The following KCNN2 variants were observed in gnomAD, a reference collection of about 807,000 sequenced individuals.
KCNN2 encodes the protein potassium calcium-activated channel subfamily N member 2.
Under a neutral mutation model 55.5 loss-of-function variants are expected in KCNN2, and 24 were observed. The ratio of observed to expected loss-of-function variants is 0.43; its 90% CI spans 0.31 to 0.61. KCNN2 has a LOEUF of 0.61. KCNN2 is among the 20% of genes least tolerant of loss of function. The pLI, the probability that KCNN2 is intolerant of heterozygous loss-of-function variation, is 0.08. For synonymous variants in KCNN2, 431 were observed against 336.1 expected, an observed-to-expected ratio of 1.28 and a Z score of -3.09; for missense variants, 754 against 853.6, an observed-to-expected ratio of 0.88 and a Z score of 1.45.
At chr5:114,403,135 T>C (rs1758835464) in intron 2 of KCNN2, among the ~76,000 whole-genome samples, 1 of 152,200 alleles carries the variant, frequency 6.6e-6, no homozygotes, top group Admixed American at 6.5e-5. Context: ...TGAGTTTGTA[T>C]TGTTGTCCAA....
intron 1 of KCNN2, among the ~76,000 whole-genome samples, chr5:114,198,022 G>A (rs1753593900): frequency 6.6e-6 from 1 of 152,060 alleles, no homozygotes; most frequent in Non-Finnish European, 1.5e-5. Flanking sequence ...GGGAGAGGCT[G>A]TGCCGAGCTC....
At chr5:114,218,576 G>C (rs1202355747) in intron 1 of KCNN2, among the ~76,000 whole-genome samples, 2 of 152,196 alleles carry the variant, frequency 1.3e-5, no homozygotes. Context: ...GTGATTTTCA[G>C]GGTTGGCACA....
At chr5:114,428,618 G>A (rs1759697204) in intron 3 of KCNN2, among the ~76,000 whole-genome samples, 1 of 151,984 alleles carries the variant, frequency 6.6e-6, no homozygotes, top group Admixed American at 6.6e-5. Context: ...ATGTAAAAAT[G>A]TATTTCTGTT....
intron 6 of KCNN2, among the ~76,000 whole-genome samples, chr5:114,491,788 T>C (rs549413374): frequency 1.6e-4 from 25 of 152,262 alleles, no homozygotes; most frequent in Admixed American, 3.9e-4. Flanking sequence ...TGGAATCCAC[T>C]GTTGTACACT....
rs571768727 is a variant in KCNN2, at chr5:114,256,192, G to A, written c.-185+34627G>A. Among the ~76,000 whole-genome samples the A allele has an allele frequency of 2.6e-5, 4 of 152,138 alleles. No individual in the cohort carries two copies. In the South Asian group the frequency reaches 8.3e-4, roughly 32 times the overall value. On this transcript the variant is annotated intron_variant, in intron 2 of 10. Coordinates refer to the KCNN2 transcript ENST00000512097. Reference sequence around the variant, plus strand: ...AAGATGTGACTTCGTTATTTTTCATGGCTGAGTAGGATTCCATGGTATGGG... The same window carrying A: ...AAGATGTGACTTCGTTATTTTTCATAGCTGAGTAGGATTCCATGGTATGGG...
chr5:114,164,581 A>G (rs965341180), intron 1 of KCNN2, among the ~76,000 whole-genome samples: 9 of 152,192 alleles, frequency 5.9e-5, no homozygotes, highest in Admixed American at 5.9e-4. Context: ...TTATCCAACA[A>G]TAATATAATT....
chr5:114,080,723 A>C (rs189328986), intron 1 of KCNN2, among the ~76,000 whole-genome samples: 2 of 152,312 alleles, frequency 1.3e-5, no homozygotes, highest in Admixed American at 1.3e-4. Flanking sequence ...AATAGTGAAC[A>C]TGATACTCAA....
intron 1 of KCNN2, among the ~76,000 whole-genome samples, chr5:114,211,234 T>C (rs893395328): frequency 6.6e-6 from 1 of 152,068 alleles, no homozygotes; most frequent in Non-Finnish European, 1.5e-5. Flanking sequence ...GAATATAAAT[T>C]GTTCTGTCAT....
At chr5:114,060,483 A>C (rs1312806156) in intron 1 of KCNN2, among the ~76,000 whole-genome samples, 1 of 152,186 alleles carries the variant, frequency 6.6e-6, no homozygotes, top group African/African-American at 2.4e-5. Flanking sequence ...GAGTGAGGGA[A>C]AATGAAGAAT....
At chr5:114,415,697 A>G (rs964116083) in intron 3 of KCNN2, among the ~76,000 whole-genome samples, 1 of 152,246 alleles carries the variant, frequency 6.6e-6, no homozygotes, top group African/African-American at 2.4e-5. Flanking sequence ...TTCTTTGGCA[A>G]AATGGCAATT....
At chr5:114,126,967 TCTC>T (rs1237352254) in intron 1 of KCNN2, among the ~76,000 whole-genome samples, 1 of 152,150 alleles carries the variant, frequency 6.6e-6, no homozygotes, top group East Asian at 1.9e-4. Context: ...TCCAAAATGA[TCTC>T]CTTTGACTCC....
At chr5:114,236,339 G>C (rs1754491991) in intron 2 of KCNN2, among the ~76,000 whole-genome samples, 1 of 151,842 alleles carries the variant, frequency 6.6e-6, no homozygotes, top group Non-Finnish European at 1.5e-5. Flanking sequence ...TTCATTTTTT[G>C]TCCTAAAATT....
At chr5:114,294,299 G>A (rs148122146) in intron 2 of KCNN2, among the ~76,000 whole-genome samples, 10,487 of 151,498 alleles carry the variant, frequency 0.069, 1,193 homozygotes, top group African/African-American at 0.24. Context: ...TGTCAATTTT[G>A]GATCTTTCCT....
intron 3 of KCNN2, among the ~76,000 whole-genome samples, chr5:114,460,829 A>T (rs999945467): frequency 1.3e-5 from 2 of 152,226 alleles, no homozygotes; most frequent in Admixed American, 1.3e-4. Flanking sequence ...ATGGAACCAG[A>T]GCCATTAGCT....
chr5:114,263,921 C>G (rs989512298), intron 2 of KCNN2, among the ~76,000 whole-genome samples: 14 of 152,154 alleles, frequency 9.2e-5, no homozygotes, highest in African/African-American at 3.1e-4. Context: ...TTAAGACACC[C>G]TTATTCATCC....
At chr5:114,180,695 G>A (rs1753221072) in intron 1 of KCNN2, among the ~76,000 whole-genome samples, 1 of 152,034 alleles carries the variant, frequency 6.6e-6, no homozygotes, top group African/African-American at 2.4e-5. Flanking sequence ...GCAACTGAGG[G>A]TTTGTGACAA....
intron 1 of KCNN2, among the ~76,000 whole-genome samples, chr5:114,197,667 C>A (rs1411935495): frequency 2.6e-5 from 4 of 152,152 alleles, no homozygotes; most frequent in Admixed American, 2.6e-4. Context: ...GTGGCTGCAA[C>A]ATGAGGCTGG....
intron 1 of KCNN2, among the ~76,000 whole-genome samples, chr5:114,176,326 T>A (rs913938938): frequency 6.6e-6 from 1 of 152,122 alleles, no homozygotes; most frequent in African/African-American, 2.4e-5. Flanking sequence ...AATCATAAGT[T>A]TTTTTTTGGT....
At chr5:114,252,972 C>T (rs1280294027) in intron 2 of KCNN2, among the ~76,000 whole-genome samples, 2 of 152,176 alleles carry the variant, frequency 1.3e-5, no homozygotes, top group African/African-American at 4.8e-5. Flanking sequence ...TAAGCATGCT[C>T]TTTCCCCTGA....
Sources: gnomAD v4.1 joint callset for allele counts (sites outside exome capture counted in the v4.1 genomes callset) on GRCh38, gnomAD v4.1.1 for gene constraint, MANE v1.5 for transcripts, NCBI Gene and HGNC (gene_info 2026-07-23, HGNC 2026-07-21) for gene names.